INPP4B: variants seen among roughly 807,000 people sequenced by gnomAD.
INPP4B encodes the protein inositol polyphosphate 4-phosphatase type II.
Under a neutral mutation model 122.5 loss-of-function variants are expected in INPP4B, and 55 were observed. The observed-to-expected ratio is 0.45, with a 90% confidence interval of 0.36 to 0.56. INPP4B has a LOEUF of 0.56. Among genes scored for constraint, INPP4B ranks in the 20% least tolerant of loss-of-function variants. INPP4B has a pLI of 0.00. For synonymous variants in INPP4B, 403 were observed against 388.7 expected (o/e 1.04, Z -0.43); for missense variants, 1,000 against 1,097.7 (o/e 0.91, Z 1.26).
At chr4:142,342,114 T>C (rs1245995947) in intron 7 of INPP4B, among the ~76,000 whole-genome samples, 1 of 152,036 alleles carries the variant, frequency 6.6e-6, no homozygotes, top group Admixed American at 6.6e-5. Flanking sequence ...TCCTTTTGGG[T>C]AAAATAAAAA....
intron 7 of INPP4B, among the ~76,000 whole-genome samples, chr4:142,376,864 A>G (rs1792072012): frequency 6.6e-6 from 1 of 152,032 alleles, no homozygotes; most frequent in Non-Finnish European, 1.5e-5. Context: ...CAAGGTCCCT[A>G]TTGAGGATCA....
chr4:142,682,825 A>G (rs1413771554), intron 2 of INPP4B, among the ~76,000 whole-genome samples: 2 of 151,988 alleles, frequency 1.3e-5, no homozygotes, highest in African/African-American at 4.8e-5. Flanking sequence ...TACTTAATAT[A>G]AAGTACCTTT....
chr4:142,795,134 C>A (rs1243245669), intron 1 of INPP4B: 3 of 151,690 alleles, frequency 2.0e-5, no homozygotes, highest in Non-Finnish European at 4.4e-5. Flanking sequence ...GAATGTTAGA[C>A]ATATAACATT....
chr4:142,774,290 C>T (rs898052741), intron 1 of INPP4B, among the ~76,000 whole-genome samples: 1 of 144,708 alleles, frequency 6.9e-6, no homozygotes, highest in Admixed American at 6.8e-5. Context: ...GATGAAGACA[C>T]CTTCGGGCTT....
At chr4:142,604,588 T>A (rs1374571067) in intron 2 of INPP4B, among the ~76,000 whole-genome samples, 5 of 151,930 alleles carry the variant, frequency 3.3e-5, no homozygotes, top group African/African-American at 1.2e-4. Context: ...ATACTGAAAT[T>A]GTCAAAAAAG....
chr4:142,303,323 A>C (rs1489563538), intron 9 of INPP4B, among the ~76,000 whole-genome samples: 1 of 152,178 alleles, frequency 6.6e-6, no homozygotes, highest in Non-Finnish European at 1.5e-5. Context: ...TTAACCATGA[A>C]GAAAAGGAAA....
At chr4:142,472,015 C>T (rs553226175) in intron 2 of INPP4B, among the ~76,000 whole-genome samples, 19 of 152,020 alleles carry the variant, frequency 1.2e-4, no homozygotes, top group South Asian at 2.1e-4. Flanking sequence ...CTTAGCAGTA[C>T]GCTTATTGAG....
intron 2 of INPP4B, among the ~76,000 whole-genome samples, chr4:142,501,612 G>A (rs772873165): frequency 2.6e-5 from 4 of 151,796 alleles, no homozygotes; most frequent in Non-Finnish European, 4.4e-5. Context: ...CCAAATAAGA[G>A]GAATTTTAAG....
intron 7 of INPP4B, among the ~76,000 whole-genome samples, chr4:142,362,541 GT>G (rs1396458417): frequency 6.6e-6 from 1 of 151,936 alleles, no homozygotes; most frequent in African/African-American, 2.4e-5. Context: ...ATAATAATTA[GT>G]TATAAGGGTA....
At chr4:142,543,648 C>T (rs971520387) in intron 2 of INPP4B, among the ~76,000 whole-genome samples, 4 of 152,082 alleles carry the variant, frequency 2.6e-5, no homozygotes, top group Non-Finnish European at 5.9e-5. Context: ...CTTCATTGCA[C>T]AGCATTTTTC....
intron 2 of INPP4B, among the ~76,000 whole-genome samples, chr4:142,688,077 G>C (rs1304405969): frequency 6.6e-6 from 1 of 152,030 alleles, no homozygotes; most frequent in Non-Finnish European, 1.5e-5. Flanking sequence ...AGATACCAAA[G>C]CTGTACTCAG....
chr4:142,399,229 G>T (rs536731677), intron 7 of INPP4B, among the ~76,000 whole-genome samples: 2 of 109,368 alleles, frequency 1.8e-5, no homozygotes, highest in Admixed American at 3.0e-4. Flanking sequence ...TCGGAGTCTC[G>T]CTCTGTCACC....
rs114619789 is a variant in INPP4B at position 142,063,343 on chromosome 4, G to A, written c.2642+18688C>T. Reference sequence around the variant, plus strand: ...AGGAGCCCAAGCCATGAGAATTAGAGAGGGAAGTTCACACATGCTTTTTAC... The same window carrying A: ...AGGAGCCCAAGCCATGAGAATTAGAAAGGGAAGTTCACACATGCTTTTTAC... On this transcript the variant is annotated intron_variant, in intron 25 of 25. Transcript: ENST00000262992. Among the ~76,000 whole-genome samples the A allele has an allele frequency of 3.7e-3, 557 of 152,266 alleles. 5 individuals are homozygous for A. The highest frequency in any genetic ancestry group is 0.013 in the African/African-American group (535 of 41,546).
At chr4:142,145,756 C>T (rs1264586838) in intron 18 of INPP4B, 84 bp downstream of exon 18, 2 of 1,345,180 alleles carry the variant, frequency 1.5e-6, no homozygotes, top group Non-Finnish European at 2.1e-6. Flanking sequence ...ACTATTGACT[C>T]CTCTTCTTCT....
chr4:142,325,463 GATAAACAATA>G (rs1771969598), intron 7 of INPP4B, among the ~76,000 whole-genome samples: 1 of 152,128 alleles, frequency 6.6e-6, no homozygotes, highest in South Asian at 2.1e-4. Context: ...AACCAACTTG[GATAAACAATA>G]ATTGTTGAGT....
At chr4:142,042,431 A>G (rs970742423) in intron 25 of INPP4B, among the ~76,000 whole-genome samples, 2 of 152,138 alleles carry the variant, frequency 1.3e-5, no homozygotes, top group Admixed American at 6.5e-5. Context: ...AAGTTTATCT[A>G]CAGCCTCTTT....
At chr4:142,406,008 C>G (rs1392919044) in intron 5 of INPP4B, among the ~76,000 whole-genome samples, 1 of 152,150 alleles carries the variant, frequency 6.6e-6, no homozygotes, top group Non-Finnish European at 1.5e-5. Flanking sequence ...CCCTCGCCAC[C>G]ATACCATATT....
chr4:142,808,389 C>G (rs1304399891), intron 1 of INPP4B, among the ~76,000 whole-genome samples: 1 of 152,108 alleles, frequency 6.6e-6, no homozygotes, highest in Non-Finnish European at 1.5e-5. Flanking sequence ...GAGAAAGTCT[C>G]TCAAATGATT....
intron 1 of INPP4B, among the ~76,000 whole-genome samples, chr4:142,730,574 A>T (rs982465946): frequency 6.6e-6 from 1 of 152,192 alleles, no homozygotes; most frequent in Non-Finnish European, 1.5e-5. Context: ...CAAAGCTTTA[A>T]TGACAACTTC....
Sources: allele counts gnomAD v4.1 joint callset (sites outside exome capture counted in the v4.1 genomes callset), GRCh38; gene constraint gnomAD v4.1.1; transcripts MANE v1.5; gene names NCBI Gene and HGNC (gene_info 2026-07-23, HGNC 2026-07-21).